Variants in FRMD4B observed in about 807,000 individuals in gnomAD.
FRMD4B encodes the protein FERM domain-containing protein 4B.
A neutral mutation model predicts 141.5 loss-of-function variants in FRMD4B; 74 were observed. The ratio of observed to expected loss-of-function variants is 0.52; its 90% CI spans 0.43 to 0.63. The LOEUF is 0.63. Among genes scored for constraint, FRMD4B ranks in the 30% least tolerant of loss-of-function variants. The pLI, the probability that FRMD4B is intolerant of heterozygous loss-of-function variation, is 0.00. For missense variants in FRMD4B, 1,366 were observed against 1,253.4 expected (o/e 1.09, Z -1.36); for synonymous variants, 506 against 467.9 (o/e 1.08, Z -1.05).
intron 5 of FRMD4B, among the ~76,000 whole-genome samples, chr3:69,272,350 A>G (rs984382374): frequency 1.3e-5 from 2 of 152,070 alleles, no homozygotes; most frequent in African/African-American, 4.8e-5. Context: ...TTGTATTTCT[A>G]GGTTTTAGCA....
chr3:69,273,332 T>G (rs1270082353), intron 5 of FRMD4B, among the ~76,000 whole-genome samples: 1 of 152,190 alleles, frequency 6.6e-6, no homozygotes, highest in East Asian at 1.9e-4. Flanking sequence ...GCAGCTGACT[T>G]TACAGTGATT....
Position 69,170,890 on chromosome 3 carries a change from C to T in FRMD4B, c.*971G>A, listed in dbSNP as rs1169513280. 2.0e-5 allele frequency: 3 copies of T among 151,970 alleles called. No homozygotes were observed. The highest frequency in any genetic ancestry group is 4.4e-5 in the Non-Finnish European group (3 of 67,972). The allele number at this position is 151,970 out of a possible 1,614,324, so 9.4% of individuals were successfully genotyped here. On this transcript the variant is annotated 3_prime_UTR_variant, in exon 23 of 23. Coordinates refer to ENST00000398540, the MANE Select transcript of FRMD4B (RefSeq NM_015123.3). ...AATCCAGACTTGTTTAATTTTCTAA[C>T]GTTCACCATTTTAAGGCACGCAATT...
chr3:69,462,015 T>G (rs540291169), intron 1 of FRMD4B, among the ~76,000 whole-genome samples: 2 of 152,272 alleles, frequency 1.3e-5, no homozygotes, highest in South Asian at 4.1e-4. Flanking sequence ...CCTCACAATA[T>G]TTTGCTTACG....
intron 1 of FRMD4B, chr3:69,323,032 G>T: frequency 3.1e-6 from 3 of 973,824 alleles, no homozygotes; most frequent in Non-Finnish European, 3.7e-6. Context: ...CAGGTTCACT[G>T]GAAGTGGAGA....
chr3:69,242,543 T>A (rs922594909), intron 7 of FRMD4B, among the ~76,000 whole-genome samples: 4 of 131,122 alleles, frequency 3.1e-5, no homozygotes, highest in Non-Finnish European at 4.7e-5. Flanking sequence ...CTGTAACTTG[T>A]GAATATTCCC....
chr3:69,335,674 C>T (rs1702523251), intron 1 of FRMD4B, among the ~76,000 whole-genome samples: 2 of 151,962 alleles, frequency 1.3e-5, no homozygotes, highest in South Asian at 2.1e-4. Flanking sequence ...ACCCTCCTCC[C>T]CCATGAAATG....
rs1429238572 is a variant in FRMD4B, at chr3:69,207,481, A to G, written c.877-8707T>C. 2.6e-5 allele frequency among the ~76,000 whole-genome samples: 4 copies of G among 152,030 alleles called. No homozygotes were observed. The East Asian group carries it at 5.8e-4, about 22-fold the overall frequency. Reference sequence around the variant, plus strand: ...TTCTTCATGTGCCAACAGTTCAACCATGTGGTAAATGCTTAGACATGTAAA... The same window carrying G: ...TTCTTCATGTGCCAACAGTTCAACCGTGTGGTAAATGCTTAGACATGTAAA... On this transcript the variant is annotated intron_variant, in intron 11 of 22. Transcript: ENST00000398540.
chr3:69,366,638 C>T (rs773406945), intron 1 of FRMD4B, among the ~76,000 whole-genome samples: 9 of 152,116 alleles, frequency 5.9e-5, no homozygotes, highest in Non-Finnish European at 1.2e-4. Context: ...ATGCATATCT[C>T]TAACAATTAA....
At chr3:69,238,462 T>A (rs1193955579) in intron 7 of FRMD4B, among the ~76,000 whole-genome samples, 2 of 152,182 alleles carry the variant, frequency 1.3e-5, no homozygotes, top group African/African-American at 4.8e-5. Context: ...TAGAATGCAA[T>A]GAAGGCACTT....
intron 1 of FRMD4B, among the ~76,000 whole-genome samples, chr3:69,484,565 G>T (rs1016201203): frequency 6.6e-6 from 1 of 152,094 alleles, no homozygotes; most frequent in African/African-American, 2.4e-5. Flanking sequence ...CTATCTGTAG[G>T]CAGGTCATCC....
intron 1 of FRMD4B, among the ~76,000 whole-genome samples, chr3:69,345,587 G>A (rs765863818): frequency 2.6e-5 from 4 of 152,224 alleles, no homozygotes; most frequent in Admixed American, 6.5e-5. Context: ...GCACCCCTCA[G>A]TAGGATCAGA....
At chr3:69,292,049 T>C (rs1266177000) in intron 4 of FRMD4B, among the ~76,000 whole-genome samples, 1 of 151,746 alleles carries the variant, frequency 6.6e-6, no homozygotes, top group Non-Finnish European at 1.5e-5. Flanking sequence ...AGCTAGCAAG[T>C]AGTGGAGCCA....
At chr3:69,384,222 G>A (rs182611635) in intron 1 of FRMD4B, among the ~76,000 whole-genome samples, 2 of 152,210 alleles carry the variant, frequency 1.3e-5, no homozygotes, top group East Asian at 3.9e-4. Flanking sequence ...TTGCTATTCT[G>A]CATAAAAATT....
upstream of FRMD4B, among the ~76,000 whole-genome samples, chr3:69,390,820 A>G (rs1704364014): frequency 6.6e-6 from 1 of 152,084 alleles, no homozygotes; most frequent in African/African-American, 2.4e-5. Context: ...TTGAACCTGG[A>G]AGGTGGAGGT....
Position 69,196,954 on chromosome 3 carries a change from A to T in FRMD4B, c.1038T>A (p.Ile346=), listed in dbSNP as rs753530349. The T allele has an allele frequency of 6.2e-7, 1 of 1,610,722 alleles. No homozygotes were observed. Among genetic ancestry groups the T allele is most frequent in the South Asian group, 1.1e-5 (1 of 91,020 alleles). The change falls in exon 13 of 23, where the codon ATT becomes ATA. Residue 346 remains isoleucine (I), a synonymous_variant. Coordinates refer to ENST00000398540, the MANE Select transcript of FRMD4B (RefSeq NM_015123.3). ...WYANSSLIKS[I]WVMAISQHQF... The stretch of plus-strand genomic sequence containing the variant: ...GATGCTGACTAATTGCCATTACCCA[A>T]ATGGACTTGATGAGAGAAGAGTTAG...
At chr3:69,393,243 T>C (rs1704416340) in intron 2 of FRMD4B, among the ~76,000 whole-genome samples, 1 of 151,248 alleles carries the variant, frequency 6.6e-6, no homozygotes, top group Non-Finnish European at 1.5e-5. Flanking sequence ...AACTTTCTCA[T>C]TTCCCTCATC....
intron 1 of FRMD4B, among the ~76,000 whole-genome samples, chr3:69,502,824 A>C (rs1706522805): frequency 6.6e-6 from 1 of 152,204 alleles, no homozygotes; most frequent in Admixed American, 6.5e-5. Flanking sequence ...CAAAGAACTC[A>C]AACAAATTTA....
At chr3:69,458,517 G>A (rs76537266) in intron 1 of FRMD4B, among the ~76,000 whole-genome samples, 3,982 of 152,270 alleles carry the variant, frequency 0.026, 58 homozygotes, top group East Asian at 0.037. Flanking sequence ...TGTCCTCAAC[G>A]TACAAAGACT....
chr3:69,313,375 G>GGAT (rs1219004219), intron 2 of FRMD4B, 77 bp downstream of exon 2: 1 of 885,752 alleles, frequency 1.1e-6, no homozygotes, highest in African/African-American at 1.7e-5. Flanking sequence ...GAGGGAACCA[G>GGAT]GATGAGCTGT....
Sources: gnomAD v4.1 joint callset for allele counts (sites outside exome capture counted in the v4.1 genomes callset) on GRCh38, gnomAD v4.1.1 for gene constraint, MANE v1.5 for transcripts, NCBI Gene and HGNC (gene_info 2026-07-23, HGNC 2026-07-21) for gene names.